Variants in TENM4 observed in about 807,000 individuals in gnomAD.
TENM4 encodes teneurin-4.
A neutral mutation model predicts 243.3 loss-of-function variants in TENM4; 82 were observed. That is an observed-to-expected ratio of 0.34 (90% CI 0.28 to 0.40). The LOEUF (loss-of-function observed/expected upper bound fraction) is 0.40. Ranked by LOEUF, TENM4 falls within the 10% of genes least tolerant of loss-of-function variation. The pLI is 1.00. For missense variants in TENM4, 3,138 were observed against 3,673.3 expected (o/e 0.85, Z 3.77); for synonymous variants, 1,412 against 1,456.3 (o/e 0.97, Z 0.69).
At chr11:78,811,363 G>A (rs1269761204) in intron 14 of TENM4, among the ~76,000 whole-genome samples, 4 of 152,184 alleles carry the variant, frequency 2.6e-5, no homozygotes, top group African/African-American at 9.7e-5. Context: ...CTATGACTGT[G>A]GGCAAGTCAC....
At position 79,102,763 on chromosome 11, in the gene TENM4, T is replaced by TGGCC. The variant is rs538413588; in HGVS notation, c.-65-32758_-65-32755dup. ...ACATTCTGTATCTGCACTGTCCATGTGGCCAGCTAGCCACCTGTGGCTGTT... is the reference window on the plus strand; with the variant it reads ...ACATTCTGTATCTGCACTGTCCATGTGGCCGGCCAGCTAGCCACCTGTGGCTGTT... On this transcript the variant is annotated intron_variant, in intron 4 of 33. Transcript: ENST00000278550. Among the ~76,000 whole-genome samples the TGGCC allele has an allele frequency of 1.6e-3, 248 of 152,382 alleles. 1 individual carries two copies. The highest frequency in any genetic ancestry group is 5.7e-3 in the African/African-American group (237 of 41,600).
intron 22 of TENM4, among the ~76,000 whole-genome samples, chr11:78,727,553 TG>T (rs1855545308): frequency 6.6e-6 from 1 of 152,210 alleles, no homozygotes; most frequent in Non-Finnish European, 1.5e-5. Context: ...ACGACTATGG[TG>T]TTTTTTAAAT....
intron 1 of TENM4, among the ~76,000 whole-genome samples, chr11:79,422,964 A>G (rs1264123170): frequency 6.6e-6 from 1 of 152,230 alleles, no homozygotes; most frequent in African/African-American, 2.4e-5. Flanking sequence ...CATTTGAATC[A>G]GAGGGAATTC....
At chr11:79,075,310 C>G (rs76168625) in intron 4 of TENM4, among the ~76,000 whole-genome samples, 4,231 of 152,288 alleles carry the variant, frequency 0.028, 80 homozygotes, top group South Asian at 0.064. Context: ...AACTGCAAAC[C>G]TTCTTTCCAG....
intron 3 of TENM4, among the ~76,000 whole-genome samples, chr11:79,210,284 G>T (rs922865061): frequency 6.6e-6 from 1 of 152,132 alleles, no homozygotes; most frequent in Non-Finnish European, 1.5e-5. Context: ...GCAACATGGG[G>T]TTCACATCTT....
intron 15 of TENM4, among the ~76,000 whole-genome samples, chr11:78,799,769 T>A (rs1480901426): frequency 6.6e-6 from 1 of 152,206 alleles, no homozygotes; most frequent in African/African-American, 2.4e-5. Flanking sequence ...ATGATAAGAA[T>A]CATAAACCCG....
chr11:79,393,715 T>C (rs1341622724), intron 1 of TENM4, among the ~76,000 whole-genome samples: 1 of 152,224 alleles, frequency 6.6e-6, no homozygotes, highest in African/African-American at 2.4e-5. Context: ...CAAGTCTTAC[T>C]GAAGGGACTC....
At chr11:79,247,416 CAAAAAAAAAAA>C (rs34265803) in intron 2 of TENM4, among the ~76,000 whole-genome samples, 3 of 81,372 alleles carry the variant, frequency 3.7e-5, no homozygotes, top group South Asian at 4.8e-4. Context: ...GACTCTGTCT[CAAAAAAAAAAA>C]AAAAAAAAAA....
intron 4 of TENM4, among the ~76,000 whole-genome samples, chr11:79,136,751 C>G (rs540585848): frequency 6.6e-6 from 1 of 152,300 alleles, no homozygotes; most frequent in African/African-American, 2.4e-5. Context: ...TGGTATTCCA[C>G]TCAGCATTGC....
At chr11:78,840,755 G>C (rs1410718189) in intron 12 of TENM4, among the ~76,000 whole-genome samples, 1 of 147,216 alleles carries the variant, frequency 6.8e-6, no homozygotes, top group Non-Finnish European at 1.5e-5. Context: ...AGGAAACACG[G>C]GGGTACTAAG....
At chr11:79,329,205 C>T (rs1038193360) in intron 1 of TENM4, among the ~76,000 whole-genome samples, 4 of 152,172 alleles carry the variant, frequency 2.6e-5, no homozygotes, top group African/African-American at 9.7e-5. Flanking sequence ...TCTGTTCCGT[C>T]GTCTCCAGAT....
In TENM4 at chr11:79,011,253, G is replaced by A. The variant is rs1858633722; in HGVS notation, c.493+53485C>T. ...CTTTCTGCTTGCTCCCTTATTGGCT[G>A]GGCACTGTTCTGATTCTAGCTCCCT... On this transcript the variant is annotated intron_variant, in intron 6 of 33. Coordinates refer to ENST00000278550, the MANE Select transcript of TENM4 (RefSeq NM_001098816.3). Among the ~76,000 whole-genome samples the A allele has an allele frequency of 2.0e-5, 3 of 152,170 alleles. No individual in the cohort carries two copies. The South Asian group carries it at 6.2e-4, about 32-fold the overall frequency.
intron 6 of TENM4, among the ~76,000 whole-genome samples, chr11:78,958,430 T>C (rs1857251999): frequency 6.6e-6 from 1 of 152,240 alleles, no homozygotes; most frequent in East Asian, 1.9e-4. Flanking sequence ...CTGTGACTAG[T>C]TGATATTTTA....
intron 6 of TENM4, among the ~76,000 whole-genome samples, chr11:79,048,544 T>C: frequency 6.6e-6 from 1 of 152,100 alleles, no homozygotes. Flanking sequence ...GAGACCCTAA[T>C]GGCTCTGCAT....
At chr11:78,688,300 C>T in intron 28 of TENM4, 74 bp from the exon 29 acceptor site, 2 of 1,498,754 alleles carry the variant, frequency 1.3e-6, no homozygotes, top group Non-Finnish European at 1.8e-6. Flanking sequence ...CATTCTACCT[C>T]ATGCCATGGT....
At position 79,066,722 on chromosome 11, in the gene TENM4, G is replaced by GCA. The variant is rs1206884068; in HGVS notation, c.224-1717_224-1716dup. ...AGCACACACACGCATGCACACTCGA[G>GCA]CACACACGCGCACGCACATGCACAC... On this transcript the variant is annotated intron_variant, in intron 5 of 33. Transcript: ENST00000278550. 2.5e-4 allele frequency among the ~76,000 whole-genome samples: 32 copies of GCA among 127,980 alleles called. No homozygotes were observed. In the South Asian group the frequency reaches 4.5e-3, roughly 18 times the overall value. The allele number at this position is 127,980 out of a possible 152,430, so 84.0% of individuals were successfully genotyped here.
chr11:79,227,323 T>G (rs1462627235), intron 2 of TENM4, among the ~76,000 whole-genome samples: 3 of 152,230 alleles, frequency 2.0e-5, no homozygotes, highest in African/African-American at 7.2e-5. Context: ...AAATACGTAC[T>G]GTTTAGCTTC....
At chr11:79,155,665 ACCTT>A (rs1862597620) in intron 3 of TENM4, among the ~76,000 whole-genome samples, 1 of 82,422 alleles carries the variant, frequency 1.2e-5, no homozygotes, top group Admixed American at 2.0e-4. Context: ...CTTCCTTTTT[ACCTT>A]CCTTCTTTCC....
chr11:78,748,842 G>A (rs539507345), intron 19 of TENM4, among the ~76,000 whole-genome samples: 1 of 152,230 alleles, frequency 6.6e-6, no homozygotes, highest in African/African-American at 2.4e-5. Flanking sequence ...GCCAGACATC[G>A]GGCTTCTGGG....
Sources: allele counts gnomAD v4.1 joint callset (sites outside exome capture counted in the v4.1 genomes callset), GRCh38; gene constraint gnomAD v4.1.1; transcripts MANE v1.5; gene names NCBI Gene and HGNC (gene_info 2026-07-23, HGNC 2026-07-21).